GALNT13: variants seen among roughly 807,000 people sequenced by gnomAD.
The protein encoded by GALNT13 is UDP-GalNAc:polypeptide N-acetylgalactosaminyltransferase 13.
GALNT13 carries 28 observed loss-of-function variants against 64.2 expected under a neutral mutation model. The observed-to-expected ratio is 0.44, with a 90% confidence interval of 0.32 to 0.60. The LOEUF (loss-of-function observed/expected upper bound fraction) is 0.60, where lower values mean the gene tolerates loss of function less well. Ranked by LOEUF, GALNT13 falls within the 20% of genes least tolerant of loss-of-function variation. The probability of loss-of-function intolerance (pLI) is 0.05; values close to 1 mark genes in which losing one functional copy is unlikely to be tolerated. For synonymous variants in GALNT13, 214 were observed against 224.6 expected (o/e 0.95, Z 0.42); for missense variants, 577 against 669.8 (o/e 0.86, Z 1.53).
chr2:153,148,931 T>G, the GALNT13 span, among the ~76,000 whole-genome samples: 2 of 151,782 alleles, frequency 1.3e-5, no homozygotes, highest in African/African-American at 4.8e-5. Flanking sequence ...AGGACTGTGG[T>G]AAGTTAAAGA....
the GALNT13 span, among the ~76,000 whole-genome samples, chr2:153,863,276 C>A: frequency 6.6e-6 from 1 of 152,096 alleles, no homozygotes; most frequent in African/African-American, 2.4e-5. Context: ...TTCTTGGAAT[C>A]CTTTTAAATA....
At chr2:153,118,421 G>A in the GALNT13 span, among the ~76,000 whole-genome samples, 1 of 152,154 alleles carries the variant, frequency 6.6e-6, no homozygotes, top group Non-Finnish European at 1.5e-5. Flanking sequence ...GGGCAAACTT[G>A]ACTGGCTTCA....
In GALNT13 at chr2:154,408,972, T is replaced by A; in HGVS notation, c.1297-12T>A. ...TATGTTTTATCCCCCCCCTTTTGTG[T>A]GTTTCCTTTAGATAAGAAATGTTGA... On this transcript the variant is annotated splice_polypyrimidine_tract_variant and intron_variant, in intron 10 of 12. Transcript: ENST00000392825. 1 of 1,546,652 alleles carries A rather than the reference T, an allele frequency of 6.5e-7. No individual in the cohort carries two copies. Among genetic ancestry groups the A allele is most frequent in the Non-Finnish European group, 8.9e-7 (1 of 1,120,962 alleles).
At chr2:153,783,209 C>A in the GALNT13 span, among the ~76,000 whole-genome samples, 1 of 152,068 alleles carries the variant, frequency 6.6e-6, no homozygotes, top group South Asian at 2.1e-4. Context: ...TCATGAAAAT[C>A]AATGTGGCAA....
At chr2:154,201,810 C>A (rs1687186300) in intron 4 of GALNT13, among the ~76,000 whole-genome samples, 1 of 151,968 alleles carries the variant, frequency 6.6e-6, no homozygotes, top group African/African-American at 2.4e-5. Context: ...CAAGTATGTC[C>A]CAAAAGATAG....
the GALNT13 span, among the ~76,000 whole-genome samples, chr2:153,215,069 C>A: frequency 6.6e-6 from 1 of 152,044 alleles, no homozygotes; most frequent in African/African-American, 2.4e-5. Context: ...TGTCTTAATG[C>A]CAGGTCTTGG....
At chr2:153,592,558 T>C in the GALNT13 span, among the ~76,000 whole-genome samples, 1 of 152,166 alleles carries the variant, frequency 6.6e-6, no homozygotes, top group Non-Finnish European at 1.5e-5. Flanking sequence ...TGAGTAGAAC[T>C]GGAGGTCATT....
chr2:153,792,832 T>A, the GALNT13 span, among the ~76,000 whole-genome samples: 2 of 152,162 alleles, frequency 1.3e-5, no homozygotes, highest in Non-Finnish European at 2.9e-5. Context: ...CAAATTGTTC[T>A]GCAAAAAAGT....
intron 8 of GALNT13, among the ~76,000 whole-genome samples, chr2:154,274,255 A>G (rs772741367): frequency 1.3e-5 from 2 of 152,214 alleles, no homozygotes; most frequent in Non-Finnish European, 2.9e-5. Context: ...GCAGATATAT[A>G]GTGCATTAAG....
the GALNT13 span, among the ~76,000 whole-genome samples, chr2:153,854,204 C>T: frequency 0.82 from 124,372 of 151,758 alleles, 52,241 homozygotes; most frequent in Non-Finnish European, 0.9. Context: ...TTGCCAGATA[C>T]AAAAGTTCAT....
chr2:153,268,646 G>A, the GALNT13 span, among the ~76,000 whole-genome samples: 1 of 152,190 alleles, frequency 6.6e-6, no homozygotes, highest in Non-Finnish European at 1.5e-5. Context: ...TTTCTGCATT[G>A]CCCTGGTACA....
chr2:153,434,003 C>T, the GALNT13 span, among the ~76,000 whole-genome samples: 3 of 152,020 alleles, frequency 2.0e-5, no homozygotes, highest in Non-Finnish European at 2.9e-5. Flanking sequence ...CAACAGTCCC[C>T]GGTGTGTGAT....
At chr2:154,279,753 T>C (rs1691856570) in intron 8 of GALNT13, among the ~76,000 whole-genome samples, 1 of 152,168 alleles carries the variant, frequency 6.6e-6, no homozygotes, top group African/African-American at 2.4e-5. Context: ...ATTTCTTTAC[T>C]CTTCTAAAGT....
chr2:154,212,141 C>CA (rs1171703042), intron 4 of GALNT13, among the ~76,000 whole-genome samples: 1 of 152,080 alleles, frequency 6.6e-6, no homozygotes, highest in African/African-American at 2.4e-5. Flanking sequence ...GAAGTGGAGA[C>CA]AGGAAGTGTA....
chr2:154,056,767 A>C (rs1300427140), intron 3 of GALNT13, among the ~76,000 whole-genome samples: 3 of 152,112 alleles, frequency 2.0e-5, no homozygotes, highest in South Asian at 2.1e-4. Flanking sequence ...TCCATGGGTG[A>C]TAGAGTGCCA....
At chr2:153,456,272 C>G in the GALNT13 span, among the ~76,000 whole-genome samples, 310 of 152,266 alleles carry the variant, frequency 2.0e-3, 1 homozygote, top group African/African-American at 7.3e-3. Context: ...TGTATCTGCT[C>G]CTGTTCCTAT....
chr2:154,183,913 T>G (rs1485902245), intron 4 of GALNT13, among the ~76,000 whole-genome samples: 2 of 152,204 alleles, frequency 1.3e-5, no homozygotes, highest in Middle Eastern at 3.4e-3. Flanking sequence ...AATGGAAAGT[T>G]AAGTTTATTT....
chr2:153,866,162 G>A, the GALNT13 span, among the ~76,000 whole-genome samples: 1 of 115,774 alleles, frequency 8.6e-6, no homozygotes, highest in East Asian at 2.8e-4. Flanking sequence ...GGACTGTTGT[G>A]GGGTGGGGGG....
chr2:153,367,195 ACTAT>A, the GALNT13 span, among the ~76,000 whole-genome samples: 8 of 152,230 alleles, frequency 5.3e-5, no homozygotes, highest in South Asian at 1.2e-3. Flanking sequence ...CCAAAGGATA[ACTAT>A]CTAAAGTAAA....
Sources: allele counts gnomAD v4.1 joint callset (sites outside exome capture counted in the v4.1 genomes callset), GRCh38; gene constraint gnomAD v4.1.1; transcripts MANE v1.5; gene names NCBI Gene and HGNC (gene_info 2026-07-23, HGNC 2026-07-21).